The following IL1RAPL2 variants were observed in gnomAD, a reference collection of about 807,000 sequenced individuals.
The protein encoded by IL1RAPL2 is X-linked interleukin-1 receptor accessory protein-like 2.
Under a neutral mutation model 44.1 loss-of-function variants are expected in IL1RAPL2, and 3 were observed. The observed-to-expected ratio is 0.07, with a 90% CI of 0.03 to 0.18. The LOEUF is 0.18. IL1RAPL2 is among the 10% of genes least tolerant of loss of function. The pLI, the probability that IL1RAPL2 is intolerant of heterozygous loss-of-function variation, is 1.00. For missense variants in IL1RAPL2, 391 were observed against 496.4 expected (o/e 0.79, Z 2.02); for synonymous variants, 181 against 178.8 (o/e 1.01, Z -0.10).
At chrX:105,691,434 A>G (rs1007956312) in intron 6 of IL1RAPL2, among the ~76,000 whole-genome samples, 1 of 111,730 alleles carries the variant, frequency 9.0e-6, no homozygotes, top group Admixed American at 9.6e-5. Flanking sequence ...ATCACTAAAA[A>G]CCATTAATCC....
intron 3 of IL1RAPL2, among the ~76,000 whole-genome samples, chrX:105,230,680 A>C (rs1361206532): frequency 2.7e-5 from 3 of 110,731 alleles, no homozygotes; most frequent in African/African-American, 9.8e-5. Context: ...TCAGGTATAA[A>C]AATGTAAACC....
At chrX:105,138,069 T>C (rs2033092641) in intron 2 of IL1RAPL2, among the ~76,000 whole-genome samples, 2 of 110,866 alleles carry the variant, frequency 1.8e-5, no homozygotes, top group Admixed American at 1.9e-4. Flanking sequence ...TGAGATCCTG[T>C]CTCAAAAAAT....
intron 1 of IL1RAPL2, among the ~76,000 whole-genome samples, chrX:104,646,942 C>G (rs1313176536): frequency 1.8e-5 from 2 of 111,752 alleles, no homozygotes; most frequent in Admixed American, 1.9e-4. Context: ...ATCACCATTA[C>G]TATATTGAGT....
chrX:104,738,950 C>A (rs984117687), intron 2 of IL1RAPL2, among the ~76,000 whole-genome samples: 1 of 111,682 alleles, frequency 9.0e-6, no homozygotes, highest in African/African-American at 3.3e-5. Flanking sequence ...TTAAAACAAA[C>A]AAGAAAGAGT....
At chrX:105,261,869 C>A (rs952385277) in intron 4 of IL1RAPL2, among the ~76,000 whole-genome samples, 1 of 111,494 alleles carries the variant, frequency 9.0e-6, no homozygotes. Flanking sequence ...ATGACTAGGT[C>A]TCAGTGTTTT....
chrX:104,778,161 T>C (rs949908139), intron 2 of IL1RAPL2, among the ~76,000 whole-genome samples: 7 of 111,063 alleles, frequency 6.3e-5, no homozygotes, highest in Non-Finnish European at 1.3e-4. Flanking sequence ...GATATGTTTA[T>C]TTAAGTTGTT....
At chrX:105,415,874 C>T (rs1374076903) in intron 5 of IL1RAPL2, among the ~76,000 whole-genome samples, 1 of 111,528 alleles carries the variant, frequency 9.0e-6, no homozygotes, top group Non-Finnish European at 1.9e-5. Flanking sequence ...ATGGCATATC[C>T]TCTCTATATA....
Position 105,578,772 on chromosome X carries a change from G to A in IL1RAPL2, c.772+94385G>A, listed in dbSNP as rs867861038. On this transcript the variant is annotated intron_variant, in intron 6 of 10. Coordinates refer to ENST00000372582, the MANE Select transcript of IL1RAPL2 (RefSeq NM_017416.2). Reference sequence around the variant, plus strand: ...AGTGATTTCCAAAGTAGATAGACTGGACCCCTGCCTTAATGCTTTTCTAAA... The same window carrying A: ...AGTGATTTCCAAAGTAGATAGACTGAACCCCTGCCTTAATGCTTTTCTAAA... Among the ~76,000 whole-genome samples the A allele has an allele frequency of 5.4e-5, 6 of 111,592 alleles. 1 individual carries two copies. The Middle Eastern group carries it at 0.013, about 235-fold the overall frequency.
chrX:105,338,048 G>A (rs1012352728), intron 5 of IL1RAPL2, among the ~76,000 whole-genome samples: 4 of 112,300 alleles, frequency 3.6e-5, no homozygotes, highest in African/African-American at 1.3e-4. Context: ...TGGGTTTTAA[G>A]AGAAACCACA....
chrX:105,243,417 C>A (rs979112258), intron 4 of IL1RAPL2, among the ~76,000 whole-genome samples: 3 of 109,178 alleles, frequency 2.7e-5, no homozygotes, highest in Non-Finnish European at 3.8e-5. Flanking sequence ...ATCAATTAAA[C>A]CTACTTTCTT....
At chrX:104,923,064 G>A (rs1283053630) in intron 2 of IL1RAPL2, among the ~76,000 whole-genome samples, 1 of 111,474 alleles carries the variant, frequency 9.0e-6, no homozygotes, top group African/African-American at 3.3e-5. Context: ...AGAATTTCAA[G>A]CTTGAAGCCC....
chrX:105,723,874 G>C (rs1053182152), intron 7 of IL1RAPL2, among the ~76,000 whole-genome samples: 2 of 111,683 alleles, frequency 1.8e-5, no homozygotes, highest in African/African-American at 6.5e-5. Flanking sequence ...TATCACGATG[G>C]ATATTAGGTG....
intron 2 of IL1RAPL2, among the ~76,000 whole-genome samples, chrX:105,156,698 A>G (rs928507967): frequency 1.9e-4 from 21 of 112,249 alleles, no homozygotes; most frequent in African/African-American, 6.5e-4. Context: ...GAAATTTGCT[A>G]TTGCTTGAAA....
At chrX:104,876,228 G>GTCAC (rs938798594) in intron 2 of IL1RAPL2, among the ~76,000 whole-genome samples, 3 of 111,617 alleles carry the variant, frequency 2.7e-5, no homozygotes, top group African/African-American at 9.8e-5. Context: ...TGTAGCAACA[G>GTCAC]TCACACTTGC....
At position 105,389,261 on chromosome X, in the gene IL1RAPL2, C is replaced by G. The variant is rs1321379; in HGVS notation, c.698-95052C>G. ...TTTGAAGCCAATTATAATTTTAGTA[C>G]CAACCAACAGTTGGCACTTAATTTG... On this transcript the variant is annotated intron_variant, in intron 5 of 10. Transcript: ENST00000372582. Among the ~76,000 whole-genome samples the G allele has an allele frequency of 9.9e-3, 1,105 of 111,952 alleles. 17 individuals are homozygous for G. Among genetic ancestry groups the G allele is most frequent in the African/African-American group, 0.034 (1,040 of 30,844 alleles).
chrX:104,660,724 C>T (rs1326533957), intron 2 of IL1RAPL2, among the ~76,000 whole-genome samples: 8 of 104,455 alleles, frequency 7.7e-5, no homozygotes, highest in Non-Finnish European at 1.4e-4. Context: ...ATTGCTTGTG[C>T]TAAGGAGTTT....
chrX:105,751,953 T>A (rs2038600752), intron 9 of IL1RAPL2, among the ~76,000 whole-genome samples: 1 of 112,082 alleles, frequency 8.9e-6, no homozygotes, highest in South Asian at 3.7e-4. Flanking sequence ...TATGACAATA[T>A]CTATAATAGT....
At chrX:105,475,434 T>A (rs1226931966) in intron 5 of IL1RAPL2, among the ~76,000 whole-genome samples, 1 of 111,244 alleles carries the variant, frequency 9.0e-6, no homozygotes, top group Non-Finnish European at 1.9e-5. Flanking sequence ...AATGATGATC[T>A]TTAAGCAAGG....
intron 6 of IL1RAPL2, among the ~76,000 whole-genome samples, chrX:105,490,121 C>G (rs1337395393): frequency 2.7e-5 from 3 of 111,683 alleles, no homozygotes; most frequent in Admixed American, 1.9e-4. Flanking sequence ...AGCCATCGAG[C>G]CTGGCCGATA....
Sources: gnomAD v4.1 joint callset for allele counts (sites outside exome capture counted in the v4.1 genomes callset) on GRCh38, gnomAD v4.1.1 for gene constraint, MANE v1.5 for transcripts, NCBI Gene and HGNC (gene_info 2026-07-23, HGNC 2026-07-21) for gene names.